YARS1: variants seen among roughly 807,000 people sequenced by gnomAD.
YARS1 encodes tyrosine--tRNA ligase, cytoplasmic.
Under a neutral mutation model 62.2 loss-of-function variants are expected in YARS1, and 36 were observed. The observed-to-expected ratio is 0.58, with a 90% CI of 0.44 to 0.76. The LOEUF (loss-of-function observed/expected upper bound fraction) is 0.76, where lower values mean the gene tolerates loss of function less well. YARS1 is among the 30% of genes least tolerant of loss of function. YARS1 has a pLI of 0.00. For missense variants in YARS1, 524 were observed against 639.8 expected (o/e 0.82, Z 1.95); for synonymous variants, 234 against 244.9 (o/e 0.96, Z 0.42).
intron 5 of YARS1, among the ~76,000 whole-genome samples, chr1:32,797,013 T>C (rs1477223532): frequency 1.1e-4 from 1 of 9,168 alleles, no homozygotes; most frequent in Non-Finnish European, 2.0e-4. Flanking sequence ...TATATATATA[T>C]ATATATATAT....
intron 5 of YARS1, among the ~76,000 whole-genome samples, chr1:32,795,591 G>A (rs1653555873): frequency 6.6e-6 from 1 of 151,918 alleles, no homozygotes; most frequent in South Asian, 2.1e-4. Flanking sequence ...CAGATCATGA[G>A]GTCAAGAGAT....
intron 4 of YARS1, among the ~76,000 whole-genome samples, chr1:32,802,835 TG>T (rs1008361130): frequency 2.0e-5 from 3 of 152,102 alleles, no homozygotes; most frequent in Non-Finnish European, 4.4e-5. Flanking sequence ...TTTTTTGAGA[TG>T]GAGTCTCACT....
intron 6 of YARS1, among the ~76,000 whole-genome samples, chr1:32,789,691 C>G (rs1653350358): frequency 6.6e-6 from 1 of 151,592 alleles, no homozygotes; most frequent in Non-Finnish European, 1.5e-5. Context: ...TGGGTTCAAG[C>G]AATTCTCCTG....
rs1184222873 is a variant in YARS1, at chr1:32,776,716, C to T, written c.1477-625G>A. On this transcript the variant is annotated intron_variant, in intron 12 of 12. Coordinates refer to ENST00000373477, the MANE Select transcript of YARS1 (RefSeq NM_003680.4). The surrounding 1 kb of genome is among the most constrained non-coding windows in gnomAD (Gnocchi z 4.0). Reference sequence around the variant, plus strand: ...GCGTGGTGGCTCACACCTATAATCCCAGCATTTCGGGAGGCCGAGGTGGGC... The same window carrying T: ...GCGTGGTGGCTCACACCTATAATCCTAGCATTTCGGGAGGCCGAGGTGGGC... Among the ~76,000 whole-genome samples, 8 of 152,078 alleles carry T rather than the reference C, an allele frequency of 5.3e-5. No homozygotes were observed. The highest frequency in any genetic ancestry group is 2.9e-5 in the Non-Finnish European group (2 of 68,044).
chr1:32,782,202 A>C (rs1653082690), intron 9 of YARS1: 2 of 756,246 alleles, frequency 2.6e-6, no homozygotes, highest in African/African-American at 1.8e-5. Flanking sequence ...TGCCGGTACA[A>C]AAGGATGTGA....
intron 4 of YARS1, among the ~76,000 whole-genome samples, chr1:32,804,904 C>T (rs1483630219): frequency 1.3e-5 from 2 of 152,050 alleles, no homozygotes; most frequent in East Asian, 1.9e-4. Context: ...GAGGTTGTAG[C>T]GAGCTGAGAT....
At chr1:32,810,144 C>T (rs1021073742) in intron 3 of YARS1, among the ~76,000 whole-genome samples, 6 of 150,058 alleles carry the variant, frequency 4.0e-5, no homozygotes, top group Non-Finnish European at 5.9e-5. Flanking sequence ...CATTAGGACA[C>T]GAAATATCTA....
chr1:32,798,982 C>A (rs1450545427), intron 4 of YARS1, among the ~76,000 whole-genome samples: 1 of 152,174 alleles, frequency 6.6e-6, no homozygotes, highest in East Asian at 1.9e-4. Context: ...GTAAACAGAT[C>A]ATTTCAACTC....
chr1:32,780,402 G>T, intron 10 of YARS1, 124 bp from the exon 11 acceptor site: 1 of 1,137,010 alleles, frequency 8.8e-7, no homozygotes, highest in Non-Finnish European at 1.3e-6. Flanking sequence ...ACCCCCTAGA[G>T]CTAACTTTCT....
chr1:32,808,764 C>T (rs1638518604), intron 3 of YARS1, among the ~76,000 whole-genome samples: 1 of 152,312 alleles, frequency 6.6e-6, no homozygotes, highest in Admixed American at 6.5e-5. Context: ...CCCTAACCAA[C>T]TCATTCAAAT....
intron 1 of YARS1, chr1:32,811,479 C>T (rs10914621): frequency 0.13 from 38,814 of 299,916 alleles, 3,266 homozygotes; most frequent in African/African-American, 0.26. Context: ...GTACCCAAAG[C>T]CTCCGCGTCT....
At chr1:32,781,440 C>T (rs760666614) in intron 9 of YARS1, 2 of 408,818 alleles carry the variant, frequency 4.9e-6, no homozygotes, top group South Asian at 4.3e-5. Flanking sequence ...GAGTCTTGGC[C>T]AGGTGTGGTA....
chr1:32,794,942 T>C (rs1158973608), intron 5 of YARS1, among the ~76,000 whole-genome samples: 1 of 135,232 alleles, frequency 7.4e-6, no homozygotes, highest in East Asian at 2.1e-4. Flanking sequence ...AGGCGGAGGT[T>C]GCAGTGAGCC....
intron 6 of YARS1, 196 bp downstream of exon 6, chr1:32,790,964 TAA>T: frequency 1.7e-6 from 1 of 589,864 alleles, no homozygotes. Flanking sequence ...CAAAAACCAT[TAA>T]GTTATGATTA....
intron 5 of YARS1, among the ~76,000 whole-genome samples, chr1:32,796,146 T>G (rs1164563045): frequency 1.3e-5 from 2 of 151,496 alleles, no homozygotes; most frequent in Non-Finnish European, 2.9e-5. Flanking sequence ...TACAAAAAAA[T>G]TAGCCGGGTG....
chr1:32,809,678 A>G (rs997067703), intron 3 of YARS1, among the ~76,000 whole-genome samples: 1 of 152,238 alleles, frequency 6.6e-6, no homozygotes, highest in East Asian at 1.9e-4. Context: ...TAGATGTATA[A>G]ACTCAGGAAA....
intron 9 of YARS1, chr1:32,781,702 G>A: frequency 6.0e-6 from 1 of 166,060 alleles, no homozygotes; most frequent in Non-Finnish European, 1.3e-5. Flanking sequence ...GAAACTGGGA[G>A]AATCTAAAGA....
chr1:32,806,137 T>C (rs1017851440), intron 4 of YARS1, among the ~76,000 whole-genome samples: 2 of 152,136 alleles, frequency 1.3e-5, no homozygotes, highest in Admixed American at 6.5e-5. Context: ...ACACAATACT[T>C]ATTAAGTTCG....
intron 3 of YARS1, among the ~76,000 whole-genome samples, chr1:32,810,242 C>T (rs1638555371): frequency 6.6e-6 from 1 of 151,970 alleles, no homozygotes; most frequent in Admixed American, 6.6e-5. Context: ...AAATATTTTT[C>T]TTTCACATTT....
Sources: gnomAD v4.1 joint callset for allele counts (sites outside exome capture counted in the v4.1 genomes callset) on GRCh38, gnomAD v4.1.1 for gene constraint, Gnocchi (gnomAD v3.1) non-coding constraint, MANE v1.5 for transcripts, NCBI Gene and HGNC (gene_info 2026-07-23, HGNC 2026-07-21) for gene names.